The following PARD3B variants were observed in gnomAD, a reference collection of about 807,000 sequenced individuals.
PARD3B encodes par-3 family cell polarity regulator beta.
A neutral mutation model predicts 130.2 loss-of-function variants in PARD3B; 103 were observed. The observed-to-expected ratio is 0.79, with a 90% CI of 0.67 to 0.93. The LOEUF is 0.93. Among genes scored for constraint, PARD3B ranks in the 40% least tolerant of loss-of-function variants. The pLI is 0.00. For missense variants in PARD3B, 1,609 were observed against 1,499.2 expected, an observed-to-expected ratio of 1.07 and a Z score of -1.21; for synonymous variants, 583 against 553.2, an observed-to-expected ratio of 1.05 and a Z score of -0.76.
intron 2 of PARD3B, among the ~76,000 whole-genome samples, chr2:204,808,945 A>G (rs531881368): frequency 6.6e-6 from 1 of 151,914 alleles, no homozygotes; most frequent in African/African-American, 2.4e-5. Flanking sequence ...ACCAGCACCT[A>G]TTATTTTTGA....
At chr2:205,136,148 G>T (rs981559582) in intron 10 of PARD3B, among the ~76,000 whole-genome samples, 2 of 152,014 alleles carry the variant, frequency 1.3e-5, no homozygotes, top group Non-Finnish European at 2.9e-5. Context: ...GTTTAGCACT[G>T]CCCCCCACAC....
intron 20 of PARD3B, among the ~76,000 whole-genome samples, chr2:205,465,261 C>T: frequency 6.6e-6 from 1 of 152,102 alleles, no homozygotes; most frequent in Admixed American, 6.5e-5. Context: ...TTGCTAATTA[C>T]TTTGCATGTG....
chr2:205,046,657 T>C (rs1182317340), intron 3 of PARD3B, among the ~76,000 whole-genome samples: 1 of 152,154 alleles, frequency 6.6e-6, no homozygotes, highest in Non-Finnish European at 1.5e-5. Flanking sequence ...TTCAGAGGTT[T>C]GGGGAATCAT....
intron 1 of PARD3B, among the ~76,000 whole-genome samples, chr2:204,576,885 G>A (rs1041708630): frequency 2.0e-5 from 3 of 152,106 alleles, no homozygotes; most frequent in African/African-American, 7.2e-5. Context: ...CATATACTGA[G>A]CAATTACTGT....
chr2:204,868,205 C>T (rs1002966903), intron 2 of PARD3B, among the ~76,000 whole-genome samples: 1 of 152,138 alleles, frequency 6.6e-6, no homozygotes, highest in African/African-American at 2.4e-5. Flanking sequence ...GCTTAACTGT[C>T]AGTGAATCTG....
chr2:205,108,991 A>G (rs1454285193), intron 5 of PARD3B, among the ~76,000 whole-genome samples: 2 of 152,090 alleles, frequency 1.3e-5, no homozygotes, highest in African/African-American at 4.8e-5. Context: ...AGAATCTACT[A>G]CTGTAACCCA....
chr2:205,098,305 T>C (rs908363811), intron 4 of PARD3B, among the ~76,000 whole-genome samples: 1 of 152,122 alleles, frequency 6.6e-6, no homozygotes. Flanking sequence ...AAAACATAAT[T>C]CAGCTGCAGT....
intron 2 of PARD3B, among the ~76,000 whole-genome samples, chr2:204,743,474 C>T (rs1574868439): frequency 6.6e-6 from 1 of 152,184 alleles, no homozygotes; most frequent in South Asian, 2.1e-4. Flanking sequence ...CTGTTATAAG[C>T]CTGTACACTG....
At chr2:204,717,809 A>G (rs977022155) in intron 2 of PARD3B, among the ~76,000 whole-genome samples, 1 of 152,186 alleles carries the variant, frequency 6.6e-6, no homozygotes, top group Non-Finnish European at 1.5e-5. Flanking sequence ...GATGACTGGC[A>G]CAGCAGTAGC....
intron 2 of PARD3B, among the ~76,000 whole-genome samples, chr2:204,745,681 G>A (rs2040191453): frequency 6.6e-6 from 1 of 152,028 alleles, no homozygotes; most frequent in African/African-American, 2.4e-5. Context: ...TGGATTACAG[G>A]CATGAGCCAC....
At chr2:205,201,353 A>G (rs894781847) in intron 15 of PARD3B, among the ~76,000 whole-genome samples, 12 of 152,210 alleles carry the variant, frequency 7.9e-5, no homozygotes, top group Non-Finnish European at 1.8e-4. Context: ...GGAAAACGGA[A>G]TTCTGGTTTA....
chr2:204,567,347 C>G (rs963234616), intron 1 of PARD3B, among the ~76,000 whole-genome samples: 1 of 152,176 alleles, frequency 6.6e-6, no homozygotes, highest in Non-Finnish European at 1.5e-5. Context: ...ACTGAAACTC[C>G]ATACCCATTA....
intron 2 of PARD3B, among the ~76,000 whole-genome samples, chr2:204,871,502 A>T (rs1005846672): frequency 1.3e-5 from 2 of 152,098 alleles, no homozygotes; most frequent in Non-Finnish European, 2.9e-5. Context: ...GGGGGAAAAA[A>T]GTTCAATTCT....
In PARD3B at chr2:205,541,667, C is replaced by T. The variant is rs571071710; in HGVS notation, c.3181-11657C>T. On this transcript the variant is annotated intron_variant, in intron 21 of 22. Transcript: ENST00000406610. ...CCGGCCTATTTTTTTTTATCTACTA[C>T]TTTATCCACCTGTTTTTTTCCCTTC... Among the ~76,000 whole-genome samples the T allele has an allele frequency of 2.6e-4, 39 of 150,876 alleles. 1 individual carries two copies. The East Asian group carries it at 4.6e-3, about 18-fold the overall frequency.
intron 3 of PARD3B, among the ~76,000 whole-genome samples, chr2:205,034,537 A>G (rs1697661590): frequency 6.6e-6 from 1 of 152,166 alleles, no homozygotes; most frequent in Non-Finnish European, 1.5e-5. Context: ...TAATGACTCA[A>G]GGGGAGACAA....
At chr2:204,797,056 T>A (rs1256640895) in intron 2 of PARD3B, among the ~76,000 whole-genome samples, 1 of 151,408 alleles carries the variant, frequency 6.6e-6, no homozygotes, top group African/African-American at 2.4e-5. Context: ...GTGCCTGTAG[T>A]CCCAGCTACT....
chr2:204,621,280 C>T (rs927477134), intron 1 of PARD3B, among the ~76,000 whole-genome samples: 8 of 152,032 alleles, frequency 5.3e-5, no homozygotes, highest in Non-Finnish European at 1.0e-4. Flanking sequence ...TGCAGGACAT[C>T]TGTGGATGTG....
At chr2:204,596,434 T>C (rs1031408569) in intron 1 of PARD3B, among the ~76,000 whole-genome samples, 5 of 152,128 alleles carry the variant, frequency 3.3e-5, no homozygotes, top group Admixed American at 6.6e-5. Context: ...TACTGAAAAA[T>C]TATTTTTCAA....
intron 1 of PARD3B, among the ~76,000 whole-genome samples, chr2:204,666,242 A>G (rs1247713146): frequency 6.6e-6 from 1 of 152,202 alleles, no homozygotes; most frequent in Non-Finnish European, 1.5e-5. Flanking sequence ...AAATGTGAAC[A>G]AGGTAATGGT....
Sources: allele counts gnomAD v4.1 joint callset (sites outside exome capture counted in the v4.1 genomes callset), GRCh38; gene constraint gnomAD v4.1.1; transcripts MANE v1.5; gene names NCBI Gene and HGNC (gene_info 2026-07-23, HGNC 2026-07-21).